The following ZFAT variants were observed in gnomAD, a reference collection of about 807,000 sequenced individuals.
The protein encoded by ZFAT is zinc finger and AT-hook domain containing.
Under a neutral mutation model 117.7 loss-of-function variants are expected in ZFAT, and 64 were observed. The observed-to-expected ratio is 0.54, with a 90% CI of 0.44 to 0.67. The LOEUF is 0.67. Among genes scored for constraint, ZFAT ranks in the 30% least tolerant of loss-of-function variants. ZFAT has a pLI of 0.00. For missense variants in ZFAT, 1,433 were observed against 1,584.5 expected (o/e 0.90, Z 1.62); for synonymous variants, 679 against 615.0 (o/e 1.10, Z -1.54).
At chr8:134,685,245 ATAAAT>A (rs978902523) in intron 1 of ZFAT, among the ~76,000 whole-genome samples, 3 of 152,170 alleles carry the variant, frequency 2.0e-5, no homozygotes, top group Non-Finnish European at 4.4e-5. Flanking sequence ...CCCCAGTCAG[ATAAAT>A]TAAAAAGCCA....
At chr8:134,830,335 A>T in the ZFAT span, among the ~76,000 whole-genome samples, 22 of 152,254 alleles carry the variant, frequency 1.4e-4, no homozygotes, top group Non-Finnish European at 2.6e-4. Context: ...ACAGCACAAA[A>T]GTAGCTGCAC....
intron 1 of ZFAT, among the ~76,000 whole-genome samples, chr8:134,670,194 G>A (rs1382157293): frequency 4.6e-5 from 7 of 152,258 alleles, no homozygotes; most frequent in Admixed American, 2.0e-4. Context: ...ACAGATCAAC[G>A]AGACAGAAAG....
chr8:134,720,535 C>A, the ZFAT span, among the ~76,000 whole-genome samples: 3 of 152,178 alleles, frequency 2.0e-5, no homozygotes, highest in Non-Finnish European at 4.4e-5. Flanking sequence ...TGGCCGAGAT[C>A]TGAAGTGTGA....
At chr8:134,503,655 G>C (rs1333227892) in intron 15 of ZFAT, among the ~76,000 whole-genome samples, 2 of 152,120 alleles carry the variant, frequency 1.3e-5, no homozygotes, top group Non-Finnish European at 2.9e-5. Flanking sequence ...TCAGCTGATG[G>C]CCTAAATAGA....
chr8:134,647,401 C>T (rs139688171), intron 2 of ZFAT, among the ~76,000 whole-genome samples: 9 of 152,250 alleles, frequency 5.9e-5, no homozygotes, highest in Non-Finnish European at 1.0e-4. Context: ...CTTCAACAAA[C>T]GACAGACCCA....
chr8:134,520,179 G>T (rs1466954616), intron 13 of ZFAT, among the ~76,000 whole-genome samples: 1 of 152,154 alleles, frequency 6.6e-6, no homozygotes, highest in Non-Finnish European at 1.5e-5. Flanking sequence ...CTCAACAGGG[G>T]ATGGGGTTGG....
chr8:134,756,182 A>G, the ZFAT span, among the ~76,000 whole-genome samples: 4 of 152,190 alleles, frequency 2.6e-5, no homozygotes, highest in Non-Finnish European at 5.9e-5. Flanking sequence ...AGCCTCAGTG[A>G]GCTCTGCTCT....
chr8:134,669,998 A>G (rs1457759459), intron 1 of ZFAT, among the ~76,000 whole-genome samples: 2 of 152,382 alleles, frequency 1.3e-5, no homozygotes, highest in Non-Finnish European at 2.9e-5. Flanking sequence ...ATCAAAAGAG[A>G]CAAAGAAGGC....
At chr8:134,757,916 A>G in the ZFAT span, among the ~76,000 whole-genome samples, 8 of 152,130 alleles carry the variant, frequency 5.3e-5, no homozygotes, top group African/African-American at 1.9e-4. Flanking sequence ...TTGTGCCTGC[A>G]AGCTCAACAG....
At chr8:134,716,466 CACCTGTGT>C (rs1302821119), upstream of ZFAT, among the ~76,000 whole-genome samples, 1 of 152,234 alleles carries the variant, frequency 6.6e-6, no homozygotes, top group African/African-American at 2.4e-5. Flanking sequence ...TGCCTGTGCA[CACCTGTGT>C]GTACTCTCAG....
chr8:134,788,119 GAACC>G, the ZFAT span, among the ~76,000 whole-genome samples: 1 of 152,076 alleles, frequency 6.6e-6, no homozygotes, highest in African/African-American at 2.4e-5. Context: ...AGACTTCAAA[GAACC>G]AACATTTTGG....
intron 1 of ZFAT, among the ~76,000 whole-genome samples, chr8:134,686,703 C>T (rs17700472): frequency 0.36 from 55,231 of 151,838 alleles, 10,100 homozygotes; most frequent in East Asian, 0.4. Context: ...GCAGAGAGGA[C>T]GGCAGGACAT....
At chr8:134,542,756 G>A (rs1822361570) in intron 11 of ZFAT, among the ~76,000 whole-genome samples, 1 of 152,150 alleles carries the variant, frequency 6.6e-6, no homozygotes, top group African/African-American at 2.4e-5. Context: ...GTATTGTACA[G>A]AAGTGAGGGC....
intron 10 of ZFAT, among the ~76,000 whole-genome samples, 159 bp downstream of exon 10, chr8:134,583,673 G>A (rs1395973382): frequency 6.6e-6 from 1 of 152,192 alleles, no homozygotes; most frequent in African/African-American, 2.4e-5. Context: ...CACAGGAATG[G>A]GAGGAAGTCA....
At chr8:134,668,702 C>A (rs1244018916) in intron 1 of ZFAT, among the ~76,000 whole-genome samples, 1 of 152,198 alleles carries the variant, frequency 6.6e-6, no homozygotes, top group African/African-American at 2.4e-5. Flanking sequence ...GCACTTCTCC[C>A]CCTTCAAAGG....
the ZFAT span, among the ~76,000 whole-genome samples, chr8:134,787,103 C>T: frequency 2.0e-5 from 3 of 152,148 alleles, no homozygotes; most frequent in Non-Finnish European, 4.4e-5. Flanking sequence ...CATGCCTCAG[C>T]CTCCCAGTGC....
the ZFAT span, among the ~76,000 whole-genome samples, chr8:134,782,706 T>C: frequency 6.6e-6 from 1 of 152,146 alleles, no homozygotes; most frequent in Non-Finnish European, 1.5e-5. Flanking sequence ...TCTGCTGCCA[T>C]GCAAGATGTG....
intron 1 of ZFAT, among the ~76,000 whole-genome samples, chr8:134,674,537 GA>G (rs1832704041): frequency 1.3e-5 from 2 of 152,348 alleles, no homozygotes; most frequent in African/African-American, 4.8e-5. Context: ...GCACCTGTGG[GA>G]AGGGGCAGCT....
the ZFAT span, among the ~76,000 whole-genome samples, chr8:134,818,149 C>T: frequency 6.6e-6 from 1 of 152,060 alleles, no homozygotes; most frequent in Non-Finnish European, 1.5e-5. Flanking sequence ...AATTAGATAT[C>T]AAAATTAAAA....
Sources: gnomAD v4.1 joint callset for allele counts (sites outside exome capture counted in the v4.1 genomes callset) on GRCh38, gnomAD v4.1.1 for gene constraint, MANE v1.5 for transcripts, NCBI Gene and HGNC (gene_info 2026-07-23, HGNC 2026-07-21) for gene names.